SHANK2: variants seen among roughly 807,000 people sequenced by gnomAD.
The protein encoded by SHANK2 is SH3 and multiple ankyrin repeat domains protein 2.
In SHANK2, 43 loss-of-function variants were observed where a neutral mutation model predicts 133.7. The ratio of observed to expected loss-of-function variants is 0.32; its 90% CI spans 0.25 to 0.41. SHANK2 has a LOEUF of 0.41. Ranked by LOEUF, SHANK2 falls within the 10% of genes least tolerant of loss-of-function variation. The pLI, the probability that SHANK2 is intolerant of heterozygous loss-of-function variation, is 1.00. For missense variants in SHANK2, 1,994 were observed against 2,235.8 expected (o/e 0.89, Z 2.18); for synonymous variants, 1,017 against 952.8 (o/e 1.07, Z -1.24).
At chr11:70,911,302 G>C (rs1337619509) in intron 10 of SHANK2, among the ~76,000 whole-genome samples, 1 of 151,396 alleles carries the variant, frequency 6.6e-6, no homozygotes, top group African/African-American at 2.4e-5. Flanking sequence ...GTTGCAGTGA[G>C]CCAAGATCAC....
At chr11:71,202,984 G>A (rs1954048074) in intron 2 of SHANK2, among the ~76,000 whole-genome samples, 1 of 152,196 alleles carries the variant, frequency 6.6e-6, no homozygotes, top group Non-Finnish European at 1.5e-5. Context: ...AATTTTCTGT[G>A]GAGCAGCAAA....
At chr11:71,142,421 A>G (rs1952573487) in intron 3 of SHANK2, among the ~76,000 whole-genome samples, 1 of 152,186 alleles carries the variant, frequency 6.6e-6, no homozygotes, top group East Asian at 1.9e-4. Flanking sequence ...GAATCACTTG[A>G]ACCCAGGAGG....
At chr11:70,587,212 C>T (rs1335038373) in intron 17 of SHANK2, among the ~76,000 whole-genome samples, 1 of 152,182 alleles carries the variant, frequency 6.6e-6, no homozygotes. Context: ...GCAGTTCTCT[C>T]AGATGTCCAG....
At chr11:70,924,350 G>C (rs1590838458) in intron 10 of SHANK2, among the ~76,000 whole-genome samples, 2 of 76 alleles carry the variant, frequency 0.026, no homozygotes, top group Non-Finnish European at 0.053. Context: ...CTGCTCCTAG[G>C]ATCTCGGGGC....
chr11:70,699,711 C>A (rs1555023191), intron 14 of SHANK2, among the ~76,000 whole-genome samples: 1 of 152,262 alleles, frequency 6.6e-6, no homozygotes. Context: ...CCACACCTTT[C>A]ATGTGCCCAG....
At chr11:70,519,578 C>T (rs1591530131) in intron 17 of SHANK2, among the ~76,000 whole-genome samples, 1 of 151,746 alleles carries the variant, frequency 6.6e-6, no homozygotes, top group South Asian at 2.1e-4. Flanking sequence ...ACCCAGGAGG[C>T]GGAGGTTGCC....
chr11:70,783,957 A>G (rs1947575198), intron 14 of SHANK2, among the ~76,000 whole-genome samples: 1 of 152,110 alleles, frequency 6.6e-6, no homozygotes, highest in Non-Finnish European at 1.5e-5. Context: ...CCACTGTGTG[A>G]GCCTTGGAGG....
chr11:71,142,999 C>T (rs1402243330), intron 3 of SHANK2, among the ~76,000 whole-genome samples: 1 of 152,068 alleles, frequency 6.6e-6, no homozygotes, highest in Admixed American at 6.6e-5. Context: ...TTTGGGAGGC[C>T]GAGGCAGGTG....
Position 70,813,328 on chromosome 11 carries a change from T to C in SHANK2, c.1494-6157A>G, listed in dbSNP as rs148150247. Among the ~76,000 whole-genome samples the C allele has an allele frequency of 2.1e-4, 32 of 152,098 alleles. No homozygotes were observed. In the Middle Eastern group the frequency reaches 0.014, roughly 65 times the overall value. ...CACGGGAAAGGCTCTGCAGGGATGT[T>C]CGGGGAGAAATGGATGCCACACGGC... On this transcript the variant is annotated intron_variant, in intron 12 of 25. Coordinates refer to ENST00000601538, the MANE Select transcript of SHANK2 (RefSeq NM_012309.5).
intron 1 of SHANK2, among the ~76,000 whole-genome samples, chr11:71,243,771 T>C (rs1555124681): frequency 6.6e-6 from 1 of 152,114 alleles, no homozygotes; most frequent in Non-Finnish European, 1.5e-5. Context: ...GAAACTCACA[T>C]GAAGTGGACA....
chr11:70,623,392 T>G (rs1468037325), intron 17 of SHANK2, among the ~76,000 whole-genome samples: 3 of 152,224 alleles, frequency 2.0e-5, no homozygotes, highest in African/African-American at 7.2e-5. Flanking sequence ...TTTGCCCTTT[T>G]GGAGGATCAT....
At chr11:70,847,245 C>T (rs369694471) in intron 11 of SHANK2, among the ~76,000 whole-genome samples, 7 of 152,324 alleles carry the variant, frequency 4.6e-5, no homozygotes, top group South Asian at 2.1e-4. Context: ...TGGCACCCCG[C>T]GGGAGGCCGT....
chr11:70,622,606 C>CT (rs1200116544), intron 17 of SHANK2, among the ~76,000 whole-genome samples: 1 of 152,234 alleles, frequency 6.6e-6, no homozygotes, highest in East Asian at 1.9e-4. Flanking sequence ...CTCCCCTTGG[C>CT]TTGTAACTGC....
rs190489263 is a variant in SHANK2 at position 71,235,329 on chromosome 11, C to T, written c.-112-10533G>A. Among the ~76,000 whole-genome samples, 245 of 152,288 alleles carry T rather than the reference C, an allele frequency of 1.6e-3. 2 individuals carry two copies. Among genetic ancestry groups the T allele is most frequent in the African/African-American group, 5.7e-3 (239 of 41,568 alleles). On this transcript the variant is annotated intron_variant, in intron 1 of 25. Transcript: ENST00000601538. ...CTTGCACAGGACGGGCACGGTGGCT[C>T]ACACCTGTAATCCCAGCACTTTGGG...
chr11:70,638,862 TTGC>T (rs2061140871), intron 17 of SHANK2, among the ~76,000 whole-genome samples: 1 of 152,058 alleles, frequency 6.6e-6, no homozygotes, highest in Non-Finnish European at 1.5e-5. Context: ...CTGGGCATGG[TTGC>T]AGGTACCTGT....
At chr11:70,955,136 G>A (rs529457737) in intron 10 of SHANK2, among the ~76,000 whole-genome samples, 115 of 152,308 alleles carry the variant, frequency 7.6e-4, no homozygotes, top group Non-Finnish European at 1.4e-3. Context: ...GAGCCATTCT[G>A]AACGTCTCTC....
At chr11:70,494,084 C>T (rs1383053947) in intron 21 of SHANK2, among the ~76,000 whole-genome samples, 2 of 152,146 alleles carry the variant, frequency 1.3e-5, no homozygotes, top group Admixed American at 6.5e-5. Context: ...GACCAGAGGT[C>T]CCCACAAGAG....
At chr11:70,623,469 C>T (rs1014550000) in intron 17 of SHANK2, among the ~76,000 whole-genome samples, 9 of 152,316 alleles carry the variant, frequency 5.9e-5, no homozygotes, top group Admixed American at 2.0e-4. Context: ...AGATGCACCC[C>T]GAAGGCTGCG....
intron 14 of SHANK2, among the ~76,000 whole-genome samples, chr11:70,744,699 C>G (rs755231259): frequency 9.2e-5 from 14 of 152,218 alleles, no homozygotes; most frequent in Non-Finnish European, 1.6e-4. Flanking sequence ...CAGCGTTTCT[C>G]CAAGCACTAG....
Sources: gnomAD v4.1 joint callset for allele counts (sites outside exome capture counted in the v4.1 genomes callset) on GRCh38, gnomAD v4.1.1 for gene constraint, MANE v1.5 for transcripts, NCBI Gene and HGNC (gene_info 2026-07-23, HGNC 2026-07-21) for gene names.